Variants in CLCA4 observed in about 807,000 individuals in gnomAD.
CLCA4 encodes the protein chloride channel accessory 4, also known as calcium-activated chloride channel regulator 4.
Under a neutral mutation model 78.9 loss-of-function variants are expected in CLCA4, and 69 were observed. That is an observed-to-expected ratio of 0.87 (90% CI 0.72 to 1.07). The LOEUF (loss-of-function observed/expected upper bound fraction) is 1.07, where lower values mean the gene tolerates loss of function less well. CLCA4 is among the 50% of genes least tolerant of loss of function. CLCA4 has a pLI of 0.00. For missense variants in CLCA4, 1,133 were observed against 1,095.8 expected, an observed-to-expected ratio of 1.03 and a Z score of -0.48; for synonymous variants, 362 against 375.8, an observed-to-expected ratio of 0.96 and a Z score of 0.42.
chr1:86,572,985 T>C, intron 9 of CLCA4: 1 of 379,942 alleles, frequency 2.6e-6, no homozygotes, highest in Non-Finnish European at 4.9e-6. Context: ...AATGTTATAA[T>C]GTCAAATTTT....
Position 86,562,698 on chromosome 1 carries a change from C to CA in CLCA4, c.449-957dup, listed in dbSNP as rs1650058365. Among the ~76,000 whole-genome samples the CA allele has an allele frequency of 2.0e-5, 3 of 151,762 alleles. No homozygotes were observed. The East Asian group carries it at 5.8e-4, about 29-fold the overall frequency. On this transcript the variant is annotated intron_variant, in intron 3 of 13. Transcript: ENST00000370563. Reference sequence around the variant, plus strand: ...TGAAACCCCATCTCTACGAAAAATACAAAAAATTAGCCGAGCATAGTGGCA... The same window carrying CA: ...TGAAACCCCATCTCTACGAAAAATACAAAAAAATTAGCCGAGCATAGTGGCA...
chr1:86,573,760 T>C (rs926925607), intron 9 of CLCA4, among the ~76,000 whole-genome samples: 2 of 151,974 alleles, frequency 1.3e-5, no homozygotes. Context: ...ACTGAGAACA[T>C]GATGATTATA....
Position 86,559,979 on chromosome 1 carries a change from A to T in CLCA4, c.207A>T (p.Lys69Asn). The T allele has an allele frequency of 6.2e-7, 1 of 1,608,838 alleles. No homozygotes were observed. The highest frequency in any genetic ancestry group is 8.5e-7 in the Non-Finnish European group (1 of 1,177,958). ...CGTACCTGTTTGAAGCCACAGAAAA[A>T]AGATTTTTTTTCAAAAATGTATCTA... Reference protein sequence around the residue: ...ASTYLFEATEKRFFFKNVSIL... With the variant: ...ASTYLFEATENRFFFKNVSIL... Residue 69 changes from lysine to asparagine, a missense_variant, in exon 2 of 14, where the codon AAA (lysine) becomes AAT (asparagine). Coordinates refer to ENST00000370563, the MANE Select transcript of CLCA4 (RefSeq NM_012128.4).
chr1:86,566,517 G>A (rs1028863679), intron 6 of CLCA4, among the ~76,000 whole-genome samples: 1 of 152,040 alleles, frequency 6.6e-6, no homozygotes, highest in Non-Finnish European at 1.5e-5. Context: ...AAACCAGAAG[G>A]ATGGCACATT....
At chr1:86,556,983 G>T (rs76306311) in intron 1 of CLCA4, among the ~76,000 whole-genome samples, 4 of 152,056 alleles carry the variant, frequency 2.6e-5, no homozygotes, top group African/African-American at 4.8e-5. Flanking sequence ...TGTGTCTTTA[G>T]AGGTGTTCAT....
chr1:86,553,951 G>A (rs1389074971), intron 1 of CLCA4, among the ~76,000 whole-genome samples: 1 of 152,006 alleles, frequency 6.6e-6, no homozygotes, highest in Admixed American at 6.5e-5. Context: ...AAAAGTTTGT[G>A]TGTCAATGTA....
chr1:86,557,745 T>C (rs1457276146), intron 1 of CLCA4, among the ~76,000 whole-genome samples: 1 of 152,184 alleles, frequency 6.6e-6, no homozygotes, highest in Non-Finnish European at 1.5e-5. Context: ...GGTCCAATGT[T>C]GAGTTCAGGT....
chr1:86,577,833 C>T, intron 11 of CLCA4, 69 bp from the exon 12 acceptor site: 1 of 1,268,590 alleles, frequency 7.9e-7, no homozygotes, highest in East Asian at 2.3e-5. Flanking sequence ...CTTGTAGAGG[C>T]CAATTGCTTG....
At chr1:86,565,144 A>C in intron 4 of CLCA4, 130 bp from the exon 5 acceptor site, 1 of 584,988 alleles carries the variant, frequency 1.7e-6, no homozygotes, top group Non-Finnish European at 3.0e-6. Context: ...TATAGCCAGG[A>C]TAGGAAGTAC....
chr1:86,554,905 T>C (rs1198407902), intron 1 of CLCA4, among the ~76,000 whole-genome samples: 2 of 152,024 alleles, frequency 1.3e-5, no homozygotes, highest in Non-Finnish European at 2.9e-5. Flanking sequence ...CTAACTGGTA[T>C]GAGATGATAT....
intron 1 of CLCA4, among the ~76,000 whole-genome samples, chr1:86,553,851 G>A (rs576841935): frequency 4.6e-5 from 7 of 152,044 alleles, no homozygotes; most frequent in Non-Finnish European, 1.0e-4. Context: ...CAGGAGAATC[G>A]CTTGAACCCG....
Position 86,580,310 on chromosome 1 carries a change from G to T in CLCA4, c.2725G>T (p.Val909Leu). ...GGTATTGTCTGTGATTGGGTCTGTT[G>T]TAATTGTTAACTTTATTTTAAGTAC... ...TLVLSVIGSVVIVNFILSTTI is the reference protein window; with the variant it reads ...TLVLSVIGSVLIVNFILSTTI The change falls in exon 14 of 14, where the codon GTA (valine) becomes TTA (leucine). Residue 909 changes from valine (V) to leucine (L), a missense_variant. Coordinates refer to ENST00000370563, the MANE Select transcript of CLCA4 (RefSeq NM_012128.4). 1 of 1,600,658 alleles carries T rather than the reference G, an allele frequency of 6.2e-7. No individual in the cohort carries two copies. Among genetic ancestry groups the T allele is most frequent in the Non-Finnish European group, 8.5e-7 (1 of 1,175,390 alleles).
At position 86,565,799 on chromosome 1, in the gene CLCA4, T is replaced by C; in HGVS notation, c.736-3T>C. On this transcript the variant is annotated splice_polypyrimidine_tract_variant and splice_region_variant and intron_variant, in intron 5 of 13. Transcript: ENST00000370563. ...ATTATTTTTTATTTTATTAACCTTT[T>C]AGGTTGTTGAATTTTGTAACGAAAA... 1 of 1,494,596 alleles carries C rather than the reference T, an allele frequency of 6.7e-7. No homozygotes were observed. Among genetic ancestry groups the C allele is most frequent in the Non-Finnish European group, 9.0e-7 (1 of 1,113,498 alleles). The allele number at this position is 1,494,596 out of a possible 1,614,324, so 92.6% of individuals were successfully genotyped here.
In CLCA4 at chr1:86,567,406, C is replaced by T. The variant is rs776860415; in HGVS notation, c.955-18C>T. 2 of 1,565,538 alleles carry T rather than the reference C, an allele frequency of 1.3e-6. No individual in the cohort carries two copies. The highest frequency in any genetic ancestry group is 3.8e-5 in the Admixed American group (2 of 52,758). On this transcript the variant is annotated intron_variant, in intron 6 of 13. Coordinates refer to ENST00000370563, the MANE Select transcript of CLCA4 (RefSeq NM_012128.4). Reference sequence around the variant, plus strand: ...CAGTCAAAATCACTTGTTTGTTTTTCTTGTCTTTTTAATCTAGGGTAAGGA... The same window carrying T: ...CAGTCAAAATCACTTGTTTGTTTTTTTTGTCTTTTTAATCTAGGGTAAGGA...
chr1:86,555,549 G>C (rs757275192), intron 1 of CLCA4, among the ~76,000 whole-genome samples: 10 of 152,054 alleles, frequency 6.6e-5, no homozygotes, highest in Non-Finnish European at 1.3e-4. Context: ...GTTGTGTTCT[G>C]TTGGTCTAGG....
chr1:86,558,402 T>C (rs1196546013), intron 1 of CLCA4, among the ~76,000 whole-genome samples: 2 of 152,178 alleles, frequency 1.3e-5, no homozygotes, highest in Non-Finnish European at 2.9e-5. Flanking sequence ...GGTCTGGTGG[T>C]AATGAATTTC....
At chr1:86,567,691 T>G (rs748481411) in intron 7 of CLCA4, 40 bp downstream of exon 7, 5 of 1,522,276 alleles carry the variant, frequency 3.3e-6, no homozygotes, top group Non-Finnish European at 2.7e-6. Flanking sequence ...TTTTTGTTTC[T>G]TTTCAGGACA....
chr1:86,560,396 G>T, intron 3 of CLCA4, 38 bp downstream of exon 3: 2 of 1,606,162 alleles, frequency 1.2e-6, no homozygotes, highest in Non-Finnish European at 1.7e-6. Context: ...TGCAGTGATT[G>T]CAGCATACAA....
Position 86,565,363 on chromosome 1 carries a change from C to A in CLCA4, c.647C>A (p.Thr216Lys). ...AGAGCATGCAGAATTGATTCTACAA[C>A]AAAACTGTATGGAAAAGATTGTCAA... ...LSRACRIDST[T>K]KLYGKDCQFF... Residue 216 changes from threonine to lysine, a missense_variant, in exon 5 of 14, where the codon ACA (threonine) becomes AAA (lysine). By Grantham distance (78) the Thr-to-Lys change is moderately conservative. Transcript: ENST00000370563. 1 of 1,608,510 alleles carries A rather than the reference C, an allele frequency of 6.2e-7. No individual in the cohort carries two copies. The highest frequency in any genetic ancestry group is 8.5e-7 in the Non-Finnish European group (1 of 1,175,730).
Sources: allele counts gnomAD v4.1 joint callset (sites outside exome capture counted in the v4.1 genomes callset), GRCh38; gene constraint gnomAD v4.1.1; transcripts MANE v1.5; gene names NCBI Gene and HGNC (gene_info 2026-07-23, HGNC 2026-07-21).